PERCC1: variants seen among roughly 807,000 people sequenced by gnomAD.
PERCC1 encodes proline and glutamate rich with coiled coil 1.
Position 1,434,155 on chromosome 16 carries a change from C to T in PERCC1, c.*758C>T, listed in dbSNP as rs765639779. 1.3e-5 allele frequency among the ~76,000 whole-genome samples: 2 copies of T among 152,192 alleles called. No homozygotes were observed. Among genetic ancestry groups the T allele is most frequent in the Non-Finnish European group, 2.9e-5 (2 of 67,992 alleles). ...CAAGCCCCTTCCACCCCGGGGGGCT[C>T]TGGCAGCCCTAGGGGGCCTGGCAGG... On this transcript the variant is annotated 3_prime_UTR_variant, in exon 2 of 2. Coordinates refer to ENST00000640283, the MANE Select transcript of PERCC1 (RefSeq NM_001365310.2).
At position 1,433,040 on chromosome 16, in the gene PERCC1, G is replaced by A. The variant is rs991458376; in HGVS notation, c.447G>A (p.Pro149=). Residue 149 remains proline (P), a synonymous_variant, in exon 2 of 2, where the codon CCG becomes CCA. Transcript: ENST00000640283. ...GGTCCCTGGAGGACGAGGACACCCC[G>A]GAGCCCAGGGTACCCCAAGGGCAGG... The part of the protein sequence containing the change: ...RGGSLEDEDT[P]EPRVPQGQVC... 9 of 398,568 alleles carry A rather than the reference G, an allele frequency of 2.3e-5. No homozygotes were observed. The highest frequency in any genetic ancestry group is 3.6e-5 in the East Asian group (1 of 28,066). The allele number at this position is 398,568 out of a possible 1,614,324, so 24.7% of individuals were successfully genotyped here.
Position 1,433,405 on chromosome 16 carries a change from C to T in PERCC1, c.*8C>T. On this transcript the variant is annotated 3_prime_UTR_variant, in exon 2 of 2. Coordinates refer to ENST00000640283, the MANE Select transcript of PERCC1 (RefSeq NM_001365310.2). ...CGGCCAGCCGAGGCCTAGCGAAGCG[C>T]CGGGGTCAGAGCTAGCTGGCGGCAG... is the stretch of plus-strand genomic sequence containing the variant. 1 of 398,698 alleles carries T rather than the reference C, an allele frequency of 2.5e-6. No homozygotes were observed. Among genetic ancestry groups the T allele is most frequent in the East Asian group, 3.6e-5 (1 of 28,062 alleles). The allele number at this position is 398,698 out of a possible 1,614,324, so 24.7% of individuals were successfully genotyped here. A position where few individuals can be genotyped will look rare whatever the true frequency, so the allele number is the denominator to read the frequency against.
Position 1,432,878 on chromosome 16 carries a change from C to G in PERCC1, c.285C>G (p.Asp95Glu). The G allele has an allele frequency of 2.5e-6, 1 of 398,668 alleles. No homozygotes were observed. Among genetic ancestry groups the G allele is most frequent in the East Asian group, 3.6e-5 (1 of 28,062 alleles). 24.7% of individuals were successfully genotyped at this position (398,668 alleles called of 1,614,324 possible). ...QLLRFSELIS[D>E]DIRRYFGRKD... ...TACGCTTTTCAGAGCTCATCAGCGA[C>G]GACATCCGGCGGTACTTTGGCCGCA... The change falls in exon 2 of 2, where the codon GAC becomes GAG. Residue 95 changes from aspartate (D) to glutamate (E), a missense_variant. Coordinates refer to ENST00000640283, the MANE Select transcript of PERCC1 (RefSeq NM_001365310.2).
At chr16:1,431,696 T>C (rs1348243199) in intron 1 of PERCC1, among the ~76,000 whole-genome samples, 1 of 151,992 alleles carries the variant, frequency 6.6e-6, no homozygotes, top group African/African-American at 2.4e-5. Context: ...GGGCAGCCCT[T>C]GTCTGTGTGG....
At position 1,433,291 on chromosome 16, in the gene PERCC1, C is replaced by T. The variant is rs534216466; in HGVS notation, c.698C>T (p.Thr233Met). The change falls in exon 2 of 2, where the codon ACG (threonine) becomes ATG (methionine). Residue 233 changes from threonine to methionine, a missense_variant. Coordinates refer to ENST00000640283, the MANE Select transcript of PERCC1 (RefSeq NM_001365310.2). Reference sequence around the variant, plus strand: ...CCCCTGGGCCTGCTGCACCCTGGCACGCCGGACTTCAGCGACCTGCTGGCC... The same window carrying T: ...CCCCTGGGCCTGCTGCACCCTGGCATGCCGGACTTCAGCGACCTGCTGGCC... ...PSPLGLLHPGTPDFSDLLASW... is the reference protein window; with the variant it reads ...PSPLGLLHPGMPDFSDLLASW... The T allele has an allele frequency of 1.3e-5, 5 of 398,938 alleles. No homozygotes were observed. Among genetic ancestry groups the T allele is most frequent in the South Asian group, 1.3e-4 (1 of 7,866 alleles). 24.7% of individuals were successfully genotyped at this position (398,938 alleles called of 1,614,324 possible). A position where few individuals can be genotyped will look rare whatever the true frequency, so the allele number is the denominator to read the frequency against.
intron 1 of PERCC1, among the ~76,000 whole-genome samples, chr16:1,431,602 C>T (rs913870643): frequency 6.6e-5 from 10 of 151,884 alleles, no homozygotes; most frequent in Non-Finnish European, 7.4e-5. Flanking sequence ...TCCCTCCCTC[C>T]GCCCTCCTGC....
rs1410160054 is a variant in PERCC1 at position 1,432,588 on chromosome 16, G to A, written c.-6G>A. 2.8e-5 allele frequency: 11 copies of A among 398,860 alleles called. No individual in the cohort carries two copies. The highest frequency in any genetic ancestry group is 4.4e-5 in the Admixed American group (1 of 22,726). The allele number at this position is 398,860 out of a possible 1,614,324, so 24.7% of individuals were successfully genotyped here. On this transcript the variant is annotated 5_prime_UTR_variant, in exon 2 of 2. Transcript: ENST00000640283. ...CGGAGGCCCCAGAAGCGTGGGACGC[G>A]CGGAGATGGCCGCCGGTGTGATCCG...
rs916669283 is a variant in PERCC1 at position 1,432,999 on chromosome 16, C to T, written c.406C>T (p.Arg136Cys). 1.8e-5 allele frequency: 7 copies of T among 398,694 alleles called. No individual in the cohort carries two copies. Among genetic ancestry groups the T allele is most frequent in the African/African-American group, 4.1e-5 (2 of 48,630 alleles). 24.7% of individuals were successfully genotyped at this position (398,694 alleles called of 1,614,324 possible). A position where few individuals can be genotyped will look rare whatever the true frequency, so the allele number is the denominator to read the frequency against. Residue 136 changes from arginine (R) to cysteine (C), a missense_variant, in exon 2 of 2, where the codon CGC (arginine) becomes TGC (cysteine). Transcript: ENST00000640283. ...ARELYYADLV[R>C]LARGGSLEDE... ...GGAGCTCTACTATGCGGACCTGGTGCGCCTGGCCCGTGGCGGGTCCCTGGA... is the reference window on the plus strand; with the variant it reads ...GGAGCTCTACTATGCGGACCTGGTGTGCCTGGCCCGTGGCGGGTCCCTGGA...
In PERCC1 at chr16:1,434,104, C is replaced by T. The variant is rs1032312775; in HGVS notation, c.*707C>T. Among the ~76,000 whole-genome samples the T allele has an allele frequency of 2.0e-5, 3 of 152,192 alleles. No homozygotes were observed. Among genetic ancestry groups the T allele is most frequent in the Non-Finnish European group, 4.4e-5 (3 of 68,010 alleles). On this transcript the variant is annotated 3_prime_UTR_variant, in exon 2 of 2. Transcript: ENST00000640283. ...ACAGCGGGTCCTGGCGGGGGCAGGC[C>T]TAGGTGCTTCTGCGCAGGCCCTAGC...
In PERCC1 at chr16:1,433,169, C is replaced by T. The variant is rs1225772589; in HGVS notation, c.576C>T (p.Ala192=). The T allele has an allele frequency of 2.3e-5, 9 of 398,498 alleles. No homozygotes were observed. The highest frequency in any genetic ancestry group is 8.2e-5 in the African/African-American group (4 of 48,618). 24.7% of individuals were successfully genotyped at this position (398,498 alleles called of 1,614,324 possible). Residue 192 remains alanine (A), a synonymous_variant, in exon 2 of 2, where the codon GCC becomes GCT. Coordinates refer to ENST00000640283, the MANE Select transcript of PERCC1 (RefSeq NM_001365310.2). ...AGTACTGGGGGTCCAGGGCAGCGGC[C>T]GGCTGGAGCCTGACGCTGGAGCGGA... The part of the protein sequence containing the change: ...LQQYWGSRAA[A]GWSLTLERKY...
Position 1,432,711 on chromosome 16 carries a change from G to T in PERCC1, c.118G>T (p.Glu40Ter). The change falls in exon 2 of 2, where the codon GAG (glutamate) becomes TAG (stop). Residue 40 changes from glutamate to a stop codon, truncating the protein, a stop_gained. Transcript: ENST00000640283. LOFTEE classifies it low-confidence loss of function (END_TRUNC). Reference sequence around the variant, plus strand: ...GACTTCGGAGGAGGAAGAGGAGGAGGAGGAGGAGGAGGAGGAGGAGGAGGG... The same window carrying T: ...GACTTCGGAGGAGGAAGAGGAGGAGTAGGAGGAGGAGGAGGAGGAGGAGGG... ...PETSEEEEEE[E>*]EEEEEEEGEG... is the part of the protein sequence containing the mutation. 2.7e-6 allele frequency: 1 copy of T among 365,544 alleles called. No individual in the cohort carries two copies. The highest frequency in any genetic ancestry group is 4.8e-6 in the Non-Finnish European group (1 of 207,640). 22.6% of individuals were successfully genotyped at this position (365,544 alleles called of 1,614,324 possible).
At chr16:1,431,548 C>T (rs1200643873) in intron 1 of PERCC1, among the ~76,000 whole-genome samples, 1 of 151,758 alleles carries the variant, frequency 6.6e-6, no homozygotes, top group Non-Finnish European at 1.5e-5. Flanking sequence ...CTCCCCGCAA[C>T]ACCCCTCCCT....
chr16:1,433,224 A>T lies in PERCC1; in HGVS notation c.631A>T (p.Arg211Trp), dbSNP rs2038467568. 2.5e-6 allele frequency: 1 copy of T among 398,688 alleles called. No individual in the cohort carries two copies. The highest frequency in any genetic ancestry group is 3.6e-5 in the East Asian group (1 of 28,068). The allele number at this position is 398,688 out of a possible 1,614,324, so 24.7% of individuals were successfully genotyped here. A position where few individuals can be genotyped will look rare whatever the true frequency, so the allele number is the denominator to read the frequency against. The change falls in exon 2 of 2, where the codon AGG (arginine) becomes TGG (tryptophan). Residue 211 changes from arginine to tryptophan, a missense_variant. Transcript: ENST00000640283. ...CGGCCACATCACCCCCATGGCCCAG[A>T]GGAAGCTGCCCCCATCCTTCTGGAA... Reference protein sequence around the residue: ...KYGHITPMAQRKLPPSFWKEP... With the variant: ...KYGHITPMAQWKLPPSFWKEP...
chr16:1,433,386 G>A lies in PERCC1; in HGVS notation c.793G>A (p.Ala265Thr). Residue 265 changes from alanine (A) to threonine (T), a missense_variant, in exon 2 of 2, where the codon GCC becomes ACC. Ala to Thr is a moderately conservative substitution (Grantham distance 58). Transcript: ENST00000640283. ...CCCAGCCCTGGAAGGGGCACGGCCA[G>A]CCGAGGCCTAGCGAAGCGCCGGGGT... ...GTPALEGARPAEA is the reference protein window; with the variant it reads ...GTPALEGARPTEA The A allele has an allele frequency of 2.5e-6, 1 of 398,658 alleles. No homozygotes were observed. Among genetic ancestry groups the A allele is most frequent in the Non-Finnish European group, 4.4e-6 (1 of 226,080 alleles). 24.7% of individuals were successfully genotyped at this position (398,658 alleles called of 1,614,324 possible).
Position 1,432,527 on chromosome 16 carries a change from C to T in PERCC1, c.-47-20C>T, listed in dbSNP as rs1226301594. The T allele has an allele frequency of 2.0e-5, 8 of 398,550 alleles. No homozygotes were observed. Among genetic ancestry groups the T allele is most frequent in the East Asian group, 1.4e-4 (4 of 28,078 alleles). 24.7% of individuals were successfully genotyped at this position (398,550 alleles called of 1,614,324 possible). ...TGGCCAGGCCTGACAGGGAACCTGC[C>T]CCTCTGTCTCCCTCCCCAGCCAGCG... On this transcript the variant is annotated intron_variant, in intron 1 of 1. Transcript: ENST00000640283.
Position 1,434,346 on chromosome 16 carries a change from G to A in PERCC1, c.*949G>A, listed in dbSNP as rs1367081105. ...CCCCGCTCAGCCCCACAGGCCCTGG[G>A]TAGGCTGTCTCCCAGCACACATCAG... On this transcript the variant is annotated 3_prime_UTR_variant, in exon 2 of 2. Coordinates refer to ENST00000640283, the MANE Select transcript of PERCC1 (RefSeq NM_001365310.2). The A allele has an allele frequency of 5.3e-6, 8 of 1,523,418 alleles. No individual in the cohort carries two copies. The highest frequency in any genetic ancestry group is 2.8e-5 in the African/African-American group (2 of 72,574). 94.4% of individuals were successfully genotyped at this position (1,523,418 alleles called of 1,614,324 possible).
At position 1,434,330 on chromosome 16, in the gene PERCC1, G is replaced by C; in HGVS notation, c.*933G>C. The C allele has an allele frequency of 6.7e-7, 1 of 1,498,774 alleles. No homozygotes were observed. Among genetic ancestry groups the C allele is most frequent in the Non-Finnish European group, 9.0e-7 (1 of 1,116,342 alleles). The allele number at this position is 1,498,774 out of a possible 1,614,324, so 92.8% of individuals were successfully genotyped here. Reference sequence around the variant, plus strand: ...GCCAGGGACCTCGCCACCCCGCTCAGCCCCACAGGCCCTGGGTAGGCTGTC... The same window carrying C: ...GCCAGGGACCTCGCCACCCCGCTCACCCCCACAGGCCCTGGGTAGGCTGTC... On this transcript the variant is annotated 3_prime_UTR_variant, in exon 2 of 2. Transcript: ENST00000640283.
chr16:1,433,118 C>T lies in PERCC1; in HGVS notation c.525C>T (p.Ala175=), dbSNP rs753403231. ...GGGCGCAGCCCCTGGGACCCCTGGC[C>T]GAGCTCTTCGACTACGGGCTGCAGC... is the stretch of plus-strand genomic sequence containing the variant. ...GDRAQPLGPL[A]ELFDYGLQQY... is the part of the protein sequence containing the mutation. The change falls in exon 2 of 2, where the codon GCC becomes GCT. Residue 175 remains alanine, a synonymous_variant. Transcript: ENST00000640283. The T allele has an allele frequency of 1.8e-5, 7 of 398,422 alleles. No homozygotes were observed. Among genetic ancestry groups the T allele is most frequent in the South Asian group, 2.5e-4 (2 of 7,872 alleles). The allele number at this position is 398,422 out of a possible 1,614,324, so 24.7% of individuals were successfully genotyped here.
Position 1,433,193 on chromosome 16 carries a change from G to C in PERCC1, c.600G>C (p.Arg200=), listed in dbSNP as rs1247600953. 1 of 398,506 alleles carries C rather than the reference G, an allele frequency of 2.5e-6. No homozygotes were observed. The highest frequency in any genetic ancestry group is 2.1e-5 in the African/African-American group (1 of 48,610). The allele number at this position is 398,506 out of a possible 1,614,324, so 24.7% of individuals were successfully genotyped here. ...CCGGCTGGAGCCTGACGCTGGAGCGGAAGTACGGCCACATCACCCCCATGG... is the reference window on the plus strand; with the variant it reads ...CCGGCTGGAGCCTGACGCTGGAGCGCAAGTACGGCCACATCACCCCCATGG... The part of the protein sequence containing the change: ...AAAGWSLTLE[R]KYGHITPMAQ... The change falls in exon 2 of 2, where the codon CGG becomes CGC. Residue 200 remains arginine (R), a synonymous_variant. Transcript: ENST00000640283.
Sources: allele counts gnomAD v4.1 joint callset (sites outside exome capture counted in the v4.1 genomes callset), GRCh38; gene constraint gnomAD v4.1.1; transcripts MANE v1.5; gene names NCBI Gene and HGNC (gene_info 2026-07-23, HGNC 2026-07-21).